Variants in DNAJB11 observed in about 807,000 individuals in gnomAD.
The protein encoded by DNAJB11 is DnaJ heat shock protein family (Hsp40) member B11.
DNAJB11 carries 30 observed loss-of-function variants against 47.2 expected under a neutral mutation model. The ratio of observed to expected loss-of-function variants is 0.64; its 90% confidence interval spans 0.48 to 0.86. DNAJB11 has a LOEUF of 0.86. DNAJB11 is among the 40% of genes least tolerant of loss of function. The pLI, the probability that DNAJB11 is intolerant of heterozygous loss-of-function variation, is 0.00. For synonymous variants in DNAJB11, 151 were observed against 159.9 expected, an observed-to-expected ratio of 0.94 and a Z score of 0.42; for missense variants, 357 against 440.2, an observed-to-expected ratio of 0.81 and a Z score of 1.69.
intron 2 of DNAJB11, among the ~76,000 whole-genome samples, chr3:186,572,799 G>A (rs956186185): frequency 6.6e-6 from 1 of 152,162 alleles, no homozygotes; most frequent in East Asian, 1.9e-4. Context: ...AAGCCTTCTG[G>A]CCCCATTTCA....
Position 186,577,705 on chromosome 3 carries a change from C to T in DNAJB11, c.361C>T (p.Pro121Ser). Residue 121 changes from proline (P) to serine (S), a missense_variant, in exon 4 of 10, where the codon CCT (proline) becomes TCT (serine). Pro to Ser is a moderately conservative substitution (Grantham distance 74). Transcript: ENST00000265028. The part of the protein sequence containing the change: ...GDFGFMFGGT[P>S]RQQDRNIPRG... ...TTTTGGTTTCATGTTTGGAGGAACC[C>T]CTCGTCAGCAAGACAGAAATATTCC... 6.2e-7 allele frequency: 1 copy of T among 1,604,936 alleles called. No individual in the cohort carries two copies. Among genetic ancestry groups the T allele is most frequent in the Non-Finnish European group, 8.5e-7 (1 of 1,175,856 alleles).
Position 186,570,854 on chromosome 3 carries a change from A to C in DNAJB11, c.-44A>C. ...TGGCGAGCCGACGCGGCGGCGGAGG[A>C]GGCTGTGAGGAGTGTGTGGAACAGG... is the stretch of plus-strand genomic sequence containing the variant. On this transcript the variant is annotated 5_prime_UTR_variant, in exon 1 of 10. Transcript: ENST00000265028. 1 of 1,566,386 alleles carries C rather than the reference A, an allele frequency of 6.4e-7. No individual in the cohort carries two copies. The highest frequency in any genetic ancestry group is 8.7e-7 in the Non-Finnish European group (1 of 1,153,478).
chr3:186,572,339 A>T, intron 2 of DNAJB11, 88 bp downstream of exon 2: 4 of 646,394 alleles, frequency 6.2e-6, no homozygotes, highest in Non-Finnish European at 8.1e-6. Context: ...TTCAGCTCAC[A>T]TTTATTTATT....
intron 4 of DNAJB11, 179 bp from the exon 5 acceptor site, chr3:186,581,192 C>T (rs1406669781): frequency 3.5e-6 from 2 of 570,494 alleles, no homozygotes; most frequent in East Asian, 3.2e-5. Flanking sequence ...TGCTTCATTC[C>T]TGTTTGGGGG....
intron 2 of DNAJB11, 65 bp downstream of exon 2, chr3:186,572,316 G>GA: frequency 7.2e-7 from 1 of 1,384,126 alleles, no homozygotes; most frequent in African/African-American, 1.5e-5. Context: ...ATACAATACA[G>GA]AGAAACACTC....
Position 186,585,375 on chromosome 3 carries a change from G to A in DNAJB11, c.1044G>A (p.Val348=). 1 of 1,612,728 alleles carries A rather than the reference G, an allele frequency of 6.2e-7. No individual in the cohort carries two copies. The highest frequency in any genetic ancestry group is 8.5e-7 in the Non-Finnish European group (1 of 1,179,406). ...GIKQLLKQGS[V]QKVYNGLQGY is the part of the protein sequence containing the mutation. ...AACAGCTACTGAAACAAGGGTCAGT[G>A]CAGAAGGTATACAATGGACTGCAAG... Residue 348 remains valine (V), a synonymous_variant, in exon 10 of 10, where the codon GTG becomes GTA. Coordinates refer to ENST00000265028, the MANE Select transcript of DNAJB11 (RefSeq NM_016306.6).
chr3:186,572,053 A>G, intron 1 of DNAJB11, 42 bp from the exon 2 acceptor site: 2 of 1,486,026 alleles, frequency 1.3e-6, no homozygotes, highest in Non-Finnish European at 1.8e-6. Flanking sequence ...AAAATGTAAC[A>G]TGTAACTCTT....
rs1715611853 is a variant in DNAJB11 at position 186,584,607 on chromosome 3, G to GTGTGTGTGTGTA, written c.1012+29_1012+30insATGTGTGTGTGT. The GTGTGTGTGTGTA allele has an allele frequency of 6.6e-7, 1 of 1,505,278 alleles. No homozygotes were observed. The highest frequency in any genetic ancestry group is 8.8e-7 in the Non-Finnish European group (1 of 1,134,508). The allele number at this position is 1,505,278 out of a possible 1,614,324, so 93.2% of individuals were successfully genotyped here. On this transcript the variant is annotated intron_variant, in intron 9 of 9. Coordinates refer to ENST00000265028, the MANE Select transcript of DNAJB11 (RefSeq NM_016306.6). ...GAGAGAAGGTATGGCATATTAGTGT[G>GTGTGTGTGTGTA]TGTGTGTGTGTGTGTTTGTGTGTGT...
chr3:186,581,282 C>G, intron 4 of DNAJB11, 89 bp from the exon 5 acceptor site: 2 of 1,445,516 alleles, frequency 1.4e-6, no homozygotes, highest in Non-Finnish European at 1.9e-6. Flanking sequence ...AGTTTCAGTC[C>G]AGGCATATGT....
chr3:186,579,017 G>A (rs1355939052), intron 4 of DNAJB11: 1 of 152,166 alleles, frequency 6.6e-6, no homozygotes, highest in African/African-American at 2.4e-5. Context: ...AGGAGTTTGA[G>A]GCTATCATGT....
intron 8 of DNAJB11, 65 bp from the exon 9 acceptor site, chr3:186,584,365 A>G: frequency 1.4e-6 from 2 of 1,459,102 alleles, no homozygotes; most frequent in Non-Finnish European, 1.8e-6. Context: ...AGTGCTCACT[A>G]GAAGCTGTGT....
At chr3:186,572,383 C>T in intron 2 of DNAJB11, 132 bp downstream of exon 2, 1 of 945,190 alleles carries the variant, frequency 1.1e-6, no homozygotes, top group South Asian at 1.9e-5. Context: ...TCTCTATTGC[C>T]TAGGCTGGAG....
intron 7 of DNAJB11, 81 bp from the exon 8 acceptor site, chr3:186,583,784 T>A (rs764553215): frequency 7.5e-5 from 72 of 962,106 alleles, no homozygotes; most frequent in Non-Finnish European, 1.2e-4. Context: ...AGAGTGGTGT[T>A]CACCTTTTTC....
At chr3:186,571,209 A>G (rs1204079428) in intron 1 of DNAJB11, among the ~76,000 whole-genome samples, 1 of 152,186 alleles carries the variant, frequency 6.6e-6, no homozygotes, top group South Asian at 2.1e-4. Flanking sequence ...AGATTTGCCC[A>G]GAGGAGTGGG....
chr3:186,584,355 A>G, intron 8 of DNAJB11, 75 bp from the exon 9 acceptor site: 1 of 1,397,208 alleles, frequency 7.2e-7, no homozygotes, highest in Admixed American at 2.9e-5. Context: ...TTTGTGTACC[A>G]GTGCTCACTA....
At chr3:186,571,035 G>T in intron 1 of DNAJB11, 70 bp downstream of exon 1, 1 of 1,087,566 alleles carries the variant, frequency 9.2e-7, no homozygotes, top group Admixed American at 2.6e-5. Context: ...GAGGGGGTGG[G>T]GGAAGTGGCA....
At chr3:186,581,933 A>G (rs1234175379) in intron 5 of DNAJB11, 62 bp from the exon 6 acceptor site, 15 of 1,342,774 alleles carry the variant, frequency 1.1e-5, no homozygotes, top group South Asian at 5.0e-5. Context: ...AACTTTATCT[A>G]TATCTGATGT....
At chr3:186,584,737 A>G (rs1715623273) in intron 9 of DNAJB11, 148 bp downstream of exon 9, 1 of 885,070 alleles carries the variant, frequency 1.1e-6, no homozygotes, top group East Asian at 3.3e-5. Context: ...GAATGAACTC[A>G]TCTTTCTCTG....
intron 2 of DNAJB11, among the ~76,000 whole-genome samples, chr3:186,575,373 G>A (rs1188549748): frequency 2.1e-5 from 1 of 47,372 alleles, no homozygotes; most frequent in Non-Finnish European, 9.6e-5. Context: ...GCGCGCGTGT[G>A]TGTGTGTGTG....
Sources: gnomAD v4.1 joint callset for allele counts (sites outside exome capture counted in the v4.1 genomes callset) on GRCh38, gnomAD v4.1.1 for gene constraint, MANE v1.5 for transcripts, NCBI Gene and HGNC (gene_info 2026-07-23, HGNC 2026-07-21) for gene names.